C1D: variants seen among roughly 807,000 people sequenced by gnomAD.
C1D encodes the protein nuclear nucleic acid-binding protein C1D.
A neutral mutation model predicts 17.5 loss-of-function variants in C1D; 10 were observed. The ratio of observed to expected loss-of-function variants is 0.57; its 90% CI spans 0.35 to 0.97. The LOEUF (loss-of-function observed/expected upper bound fraction) is 0.97. Ranked by LOEUF, C1D falls within the 50% of genes least tolerant of loss-of-function variation. The probability of loss-of-function intolerance (pLI) is 0.01; values close to 1 mark genes in which losing one functional copy is unlikely to be tolerated. For missense variants in C1D, 136 were observed against 160.1 expected, an observed-to-expected ratio of 0.85 and a Z score of 0.81; for synonymous variants, 49 against 54.0, an observed-to-expected ratio of 0.91 and a Z score of 0.40.
chr2:68,043,053 C>T lies in C1D; in HGVS notation c.262G>A (p.Glu88Lys). 2.5e-6 allele frequency: 4 copies of T among 1,578,802 alleles called. No homozygotes were observed. The highest frequency in any genetic ancestry group is 3.4e-6 in the Non-Finnish European group (4 of 1,165,268). Residue 88 changes from glutamate (E) to lysine (K), a missense_variant and splice_region_variant, in exon 5 of 5, where the codon GAA (glutamate) becomes AAA (lysine). Glu to Lys is a moderately conservative substitution (Grantham distance 56). Transcript: ENST00000410067. ...CTGTTCATATATACTCTGATTCTTT[C>T]CTTAAAGATAAAAAACAAAGGCAAT... is the stretch of plus-strand genomic sequence containing the variant. ...PKEHPVKQEL[E>K]RIRVYMNRVK...
chr2:68,042,841 G>GC lies in C1D; in HGVS notation c.*47_*48insG. 2 of 368,390 alleles carry GC rather than the reference G, an allele frequency of 5.4e-6. No individual in the cohort carries two copies. The highest frequency in any genetic ancestry group is 6.7e-5 in the Admixed American group (1 of 14,940). 22.8% of individuals were successfully genotyped at this position (368,390 alleles called of 1,614,324 possible). A position where few individuals can be genotyped will look rare whatever the true frequency, so the allele number is the denominator to read the frequency against. On this transcript the variant is annotated 3_prime_UTR_variant, in exon 5 of 5. Coordinates refer to ENST00000410067, the MANE Select transcript of C1D (RefSeq NM_173177.3). ...AGAATTATTTTGCGGGGGGGGGGGGGGGGGGGAAGATGTACTTTTTGAATA... is the reference window on the plus strand; with the variant it reads ...AGAATTATTTTGCGGGGGGGGGGGGGCGGGGGGAAGATGTACTTTTTGAATA...
At chr2:68,053,792 C>A (rs1200564635) in intron 1 of C1D, among the ~76,000 whole-genome samples, 2 of 152,174 alleles carry the variant, frequency 1.3e-5, no homozygotes, top group Non-Finnish European at 2.9e-5. Context: ...GTGCCGTGCT[C>A]TCTCACTCTC....
intron 4 of C1D, 128 bp from the exon 5 acceptor site, chr2:68,043,181 G>A: frequency 1.5e-6 from 1 of 666,386 alleles, no homozygotes; most frequent in Non-Finnish European, 2.5e-6. Context: ...CATGGTGCTA[G>A]GAAATGCAAA....
intron 1 of C1D, among the ~76,000 whole-genome samples, chr2:68,057,096 C>T (rs1365015290): frequency 3.9e-5 from 6 of 152,138 alleles, no homozygotes; most frequent in African/African-American, 1.2e-4. Flanking sequence ...TAGAAAGATT[C>T]CTAAGATATA....
chr2:68,050,928 TG>T (rs1671261059), intron 1 of C1D, among the ~76,000 whole-genome samples: 1 of 152,302 alleles, frequency 6.6e-6, no homozygotes, highest in East Asian at 1.9e-4. Context: ...ACTTTCCAAT[TG>T]TTCAGTCCCA....
intron 1 of C1D, among the ~76,000 whole-genome samples, chr2:68,047,528 C>G (rs1433417246): frequency 3.9e-5 from 6 of 152,254 alleles, no homozygotes; most frequent in African/African-American, 1.4e-4. Context: ...GAAGAAGAAC[C>G]AACCGAAGCC....
rs540623850 is a variant in C1D at position 68,046,424 on chromosome 2, AAGAG to A, written c.139-18_139-15del. 5.0e-5 allele frequency: 79 copies of A among 1,593,190 alleles called. No homozygotes were observed. The African/African-American group carries it at 6.4e-4, about 13-fold the overall frequency. ...AAGTGGATCCAACTGTTAAAAAAGA[AAGAG>A]AGAGGGAAAGAGAGAAAGTGAGACA... On this transcript the variant is annotated splice_polypyrimidine_tract_variant and intron_variant, in intron 2 of 4. Transcript: ENST00000410067.
At chr2:68,046,285 A>G (rs925944553) in intron 3 of C1D, 59 bp downstream of exon 3, 199 of 1,246,434 alleles carry the variant, frequency 1.6e-4, no homozygotes, top group Non-Finnish European at 2.2e-4. Flanking sequence ...TTAAAAATAA[A>G]TCATCTTTCA....
intron 1 of C1D, among the ~76,000 whole-genome samples, chr2:68,050,403 C>T (rs1397634401): frequency 6.6e-6 from 1 of 152,128 alleles, no homozygotes; most frequent in East Asian, 1.9e-4. Flanking sequence ...TACTAACAGT[C>T]TCTAATTCCT....
chr2:68,059,277 T>G (rs972735455), intron 1 of C1D, among the ~76,000 whole-genome samples: 8 of 152,180 alleles, frequency 5.3e-5, no homozygotes, highest in African/African-American at 1.7e-4. Context: ...TCTGCCTCCA[T>G]GACCCAAATA....
intron 2 of C1D, chr2:68,046,648 C>T (rs1173478159): frequency 2.3e-6 from 1 of 439,934 alleles, no homozygotes; most frequent in South Asian, 3.8e-5. Flanking sequence ...TTTAGTTAGA[C>T]AAGGAAAGTG....
chr2:68,060,613 A>G (rs1305787056), intron 1 of C1D, among the ~76,000 whole-genome samples: 1 of 144,000 alleles, frequency 6.9e-6, no homozygotes, highest in African/African-American at 2.5e-5. Context: ...ACTGCACTCC[A>G]GCCTGAGCAA....
intron 2 of C1D, 114 bp from the exon 3 acceptor site, chr2:68,046,524 A>T: frequency 1.4e-6 from 1 of 691,188 alleles, no homozygotes; most frequent in African/African-American, 1.8e-5. Context: ...TGTATCAAAG[A>T]AGTTTTTTTC....
chr2:68,056,025 CTG>C (rs1487538007), intron 1 of C1D, among the ~76,000 whole-genome samples: 1 of 152,200 alleles, frequency 6.6e-6, no homozygotes, highest in Non-Finnish European at 1.5e-5. Flanking sequence ...CTCACTACAT[CTG>C]TGATAGTTGC....
At chr2:68,054,279 G>C (rs1412656465) in intron 1 of C1D, among the ~76,000 whole-genome samples, 1 of 152,334 alleles carries the variant, frequency 6.6e-6, no homozygotes, top group East Asian at 1.9e-4. Context: ...CTGGAGAACA[G>C]AAGCATCAGA....
chr2:68,053,253 A>G, intron 1 of C1D: 1 of 1,501,194 alleles, frequency 6.7e-7, no homozygotes, highest in Non-Finnish European at 9.0e-7. Context: ...CAGTAACCCT[A>G]ACAGATGTTA....
At chr2:68,044,273 G>C (rs571068084) in intron 4 of C1D, among the ~76,000 whole-genome samples, 138 of 152,316 alleles carry the variant, frequency 9.1e-4, no homozygotes, top group African/African-American at 3.2e-3. Context: ...ACTCACAGAG[G>C]AATCATCTCT....
At chr2:68,050,019 G>A (rs1440786660) in intron 1 of C1D, among the ~76,000 whole-genome samples, 2 of 152,126 alleles carry the variant, frequency 1.3e-5, no homozygotes, top group Non-Finnish European at 2.9e-5. Context: ...CTATCAGATT[G>A]GCAATAATTT....
intron 1 of C1D, among the ~76,000 whole-genome samples, chr2:68,057,452 C>G (rs1478335397): frequency 6.6e-6 from 1 of 152,162 alleles, no homozygotes; most frequent in Non-Finnish European, 1.5e-5. Context: ...CCACCACGCC[C>G]AGCTCATCCC....
Sources: gnomAD v4.1 joint callset for allele counts (sites outside exome capture counted in the v4.1 genomes callset) on GRCh38, gnomAD v4.1.1 for gene constraint, MANE v1.5 for transcripts, NCBI Gene and HGNC (gene_info 2026-07-23, HGNC 2026-07-21) for gene names.